The following ARAP2 variants were observed in gnomAD, a reference collection of about 807,000 sequenced individuals.
ARAP2 encodes the protein ArfGAP with RhoGAP domain, ankyrin repeat and PH domain 2.
ARAP2 carries 148 observed loss-of-function variants against 194.5 expected under a neutral mutation model. That is an observed-to-expected ratio of 0.76 (90% CI 0.67 to 0.87). The LOEUF is 0.87. Ranked by LOEUF, ARAP2 falls within the 40% of genes least tolerant of loss-of-function variation. The pLI is 0.00. For synonymous variants in ARAP2, 695 were observed against 683.5 expected, an observed-to-expected ratio of 1.02 and a Z score of -0.26; for missense variants, 2,128 against 1,989.7, an observed-to-expected ratio of 1.07 and a Z score of -1.32.
At chr4:36,242,024 T>A (rs1452052483) in intron 1 of ARAP2, among the ~76,000 whole-genome samples, 1 of 152,246 alleles carries the variant, frequency 6.6e-6, no homozygotes, top group Non-Finnish European at 1.5e-5. Context: ...CATTAAGTAC[T>A]GCTTCATTTA....
intron 9 of ARAP2, among the ~76,000 whole-genome samples, chr4:36,007,573 C>G (rs1713560978): frequency 6.6e-6 from 1 of 152,122 alleles, no homozygotes; most frequent in East Asian, 1.9e-4. Flanking sequence ...GACTTCTTAC[C>G]CCGCGAAGTA....
chr4:36,041,370 G>A (rs985705427), intron 5 of ARAP2, among the ~76,000 whole-genome samples: 10 of 152,046 alleles, frequency 6.6e-5, no homozygotes, highest in African/African-American at 2.4e-4. Context: ...GAGGGAAAAA[G>A]AATGAACAGA....
intron 26 of ARAP2, among the ~76,000 whole-genome samples, chr4:36,112,063 G>C (rs1285761451): frequency 6.6e-6 from 1 of 151,872 alleles, no homozygotes; most frequent in Non-Finnish European, 1.5e-5. Context: ...TAATCTACAG[G>C]CAGAGATCTC....
intron 9 of ARAP2, 141 bp downstream of exon 9, chr4:36,177,685 CT>C (rs1738278554): frequency 9.7e-6 from 7 of 723,552 alleles, no homozygotes; most frequent in Non-Finnish European, 1.4e-5. Context: ...AACAAAATCA[CT>C]ATTTCTTTGG....
chr4:36,039,811 C>A (rs1172967885), intron 5 of ARAP2, among the ~76,000 whole-genome samples: 1 of 151,972 alleles, frequency 6.6e-6, no homozygotes, highest in Non-Finnish European at 1.5e-5. Context: ...GCATGAAGAC[C>A]AGGTGTCAGA....
At chr4:36,158,931 T>C in intron 14 of ARAP2, 67 bp from the exon 15 acceptor site, 5 of 1,438,952 alleles carry the variant, frequency 3.5e-6, no homozygotes, top group Non-Finnish European at 4.7e-6. Flanking sequence ...TTGTTTATAA[T>C]ATGTACATGA....
In ARAP2 at chr4:36,204,461, T is replaced by C. The variant is rs567341000; in HGVS notation, c.1487+5929A>G. Among the ~76,000 whole-genome samples the C allele has an allele frequency of 2.6e-5, 4 of 152,148 alleles. No homozygotes were observed. The South Asian group carries it at 8.3e-4, about 31-fold the overall frequency. On this transcript the variant is annotated intron_variant, in intron 6 of 32. Transcript: ENST00000303965. ...GGAAGCTTCAAAGACTTGTGCTTTA[T>C]CTAAAGAAAAGATGGAAAGACAAAA...
intron 9 of ARAP2, among the ~76,000 whole-genome samples, chr4:36,168,548 A>G (rs1403204164): frequency 1.3e-5 from 2 of 152,212 alleles, no homozygotes; most frequent in Admixed American, 1.3e-4. Flanking sequence ...AAATAATTCT[A>G]TAACAAATGC....
intron 13 of ARAP2, chr4:36,160,039 ATAT>A: frequency 1.0e-6 from 1 of 953,006 alleles, no homozygotes; most frequent in Non-Finnish European, 1.2e-6. Flanking sequence ...GCAATAAAAA[ATAT>A]TATTGACTTA....
In ARAP2 at chr4:36,067,924, C is replaced by T. The variant is rs1298699577; in HGVS notation, c.5098G>A (p.Glu1700Lys). 4 of 1,579,984 alleles carry T rather than the reference C, an allele frequency of 2.5e-6. No individual in the cohort carries two copies. Among genetic ancestry groups the T allele is most frequent in the Non-Finnish European group, 2.6e-6 (3 of 1,160,928 alleles). Residue 1700 changes from glutamate (E) to lysine (K), a missense_variant, in exon 33 of 33, where the codon GAG (glutamate) becomes AAG (lysine). Physicochemically the swap from Glu to Lys is moderately conservative, Grantham distance 56. Coordinates refer to ENST00000303965, the MANE Select transcript of ARAP2 (RefSeq NM_015230.4). ...SRTLPKELQD[E>K]QILK is the part of the protein sequence containing the mutation. The stretch of plus-strand genomic sequence containing the variant: ...TTTATTTCCTACTTCAAAATCTGCT[C>T]ATCCTGTAATTCTTTTGGAAGGGTT...
At chr4:36,208,524 C>G (rs73128475) in intron 6 of ARAP2, among the ~76,000 whole-genome samples, 5,994 of 152,284 alleles carry the variant, frequency 0.039, 171 homozygotes, top group African/African-American at 0.08. Flanking sequence ...CTATCTGCAT[C>G]AAAGAGACAC....
At chr4:36,030,084 A>T (rs1339316103) in intron 5 of ARAP2, among the ~76,000 whole-genome samples, 1 of 152,020 alleles carries the variant, frequency 6.6e-6, no homozygotes, top group Admixed American at 6.6e-5. Context: ...ACCTTTTGTA[A>T]ATTACTCAGA....
At chr4:36,158,698 C>T in intron 15 of ARAP2, 32 bp downstream of exon 15, 1 of 1,530,886 alleles carries the variant, frequency 6.5e-7, no homozygotes. Context: ...AAGTTTTTAT[C>T]TGATAATATC....
chr4:36,058,245 T>G (rs1246548363), intron 1 of ARAP2: 1 of 152,248 alleles, frequency 6.6e-6, no homozygotes, highest in Non-Finnish European at 1.5e-5. Context: ...GCTTATTAGC[T>G]TACTGTTATA....
intron 6 of ARAP2, among the ~76,000 whole-genome samples, chr4:36,017,564 T>TTA (rs1553863575): frequency 2.3e-5 from 1 of 42,578 alleles, no homozygotes; most frequent in African/African-American, 1.2e-4. Flanking sequence ...AAGAAAGTGG[T>TTA]AAAAAAAAAA....
chr4:36,106,369 G>A (rs1718416210), intron 27 of ARAP2, among the ~76,000 whole-genome samples: 1 of 151,950 alleles, frequency 6.6e-6, no homozygotes, highest in Non-Finnish European at 1.5e-5. Context: ...TAAAGAGTTA[G>A]TATCTGTTTT....
At position 36,048,732 on chromosome 4, in the gene ARAP2, G is replaced by C. The variant is rs73123434; in HGVS notation, n.370-1883C>G. 6.3e-3 allele frequency among the ~76,000 whole-genome samples: 956 copies of C among 152,102 alleles called. 14 individuals carry two copies. The highest frequency in any genetic ancestry group is 0.022 in the African/African-American group (914 of 41,526). The stretch of plus-strand genomic sequence containing the variant: ...TTCTCTGGGTATATAGCCAGCAATG[G>C]GATTACTGGGTTGAATGGTACTTTT... On this transcript the variant is annotated intron_variant and non_coding_transcript_variant, in intron 3 of 12. Coordinates refer to the ARAP2 transcript ENST00000503225.
intron 5 of ARAP2, among the ~76,000 whole-genome samples, chr4:36,027,238 A>G (rs1262789525): frequency 1.3e-5 from 2 of 151,718 alleles, no homozygotes; most frequent in Non-Finnish European, 2.9e-5. Context: ...TATCATCTCT[A>G]TTTAAAGATG....
chr4:36,070,556 C>G (rs1048774797), intron 32 of ARAP2, among the ~76,000 whole-genome samples: 20 of 152,172 alleles, frequency 1.3e-4, no homozygotes, highest in Non-Finnish European at 2.4e-4. Flanking sequence ...CTTATCATAG[C>G]TAGAGAATGG....
Sources: gnomAD v4.1 joint callset for allele counts (sites outside exome capture counted in the v4.1 genomes callset) on GRCh38, gnomAD v4.1.1 for gene constraint, MANE v1.5 for transcripts, NCBI Gene and HGNC (gene_info 2026-07-23, HGNC 2026-07-21) for gene names.